The following SOX5 variants were observed in gnomAD, a reference collection of about 807,000 sequenced individuals.
The protein encoded by SOX5 is SRY-box transcription factor 5.
In SOX5, 9 loss-of-function variants were observed where a neutral mutation model predicts 92.0. The observed-to-expected ratio is 0.10, with a 90% CI of 0.06 to 0.17. The LOEUF (loss-of-function observed/expected upper bound fraction) is 0.17, where lower values mean the gene tolerates loss of function less well. SOX5 is among the 10% of genes least tolerant of loss of function. The probability of loss-of-function intolerance (pLI) is 1.00; values close to 1 mark genes in which losing one functional copy is unlikely to be tolerated. For synonymous variants in SOX5, 344 were observed against 336.3 expected (o/e 1.02, Z -0.25); for missense variants, 642 against 944.5 (o/e 0.68, Z 4.20).
At chr12:23,817,638 A>G (rs1325125345) in intron 3 of SOX5, among the ~76,000 whole-genome samples, 1 of 152,218 alleles carries the variant, frequency 6.6e-6, no homozygotes, top group Non-Finnish European at 1.5e-5. Context: ...TAACCATATG[A>G]CCTAAAAAGT....
chr12:24,450,066 T>A (rs981044200), intron 1 of SOX5, among the ~76,000 whole-genome samples: 1 of 152,214 alleles, frequency 6.6e-6, no homozygotes, highest in Non-Finnish European at 1.5e-5. Context: ...ACAACACTAA[T>A]CTCAATGAGG....
chr12:24,248,441 C>A (rs1012649006), intron 3 of SOX5, among the ~76,000 whole-genome samples: 12 of 152,128 alleles, frequency 7.9e-5, no homozygotes, highest in African/African-American at 1.2e-4. Context: ...AGCTCTATTG[C>A]CCAAGGCTAA....
In SOX5 at chr12:23,773,181, T is replaced by C. The variant is rs1189218474; in HGVS notation, c.482-17457A>G. ...GTTTTAAGCATGACTATTTTTGTTA[T>C]TTTATATATATAGATATGAGTATAT... On this transcript the variant is annotated intron_variant, in intron 3 of 14. Coordinates refer to ENST00000451604, the MANE Select transcript of SOX5 (RefSeq NM_006940.6). Among the ~76,000 whole-genome samples, 7 of 152,290 alleles carry C rather than the reference T, an allele frequency of 4.6e-5. No homozygotes were observed. The East Asian group carries it at 1.2e-3, about 25-fold the overall frequency.
chr12:24,001,547 T>C (rs1271899082), intron 4 of SOX5, among the ~76,000 whole-genome samples: 1 of 152,124 alleles, frequency 6.6e-6, no homozygotes, highest in Non-Finnish European at 1.5e-5. Context: ...CAGTGTGAGC[T>C]AGGCTGGGTG....
At chr12:24,487,978 T>C (rs1364267458) in intron 1 of SOX5, among the ~76,000 whole-genome samples, 1 of 152,178 alleles carries the variant, frequency 6.6e-6, no homozygotes, top group Non-Finnish European at 1.5e-5. Flanking sequence ...CGTAGCAGGA[T>C]TGGGGAACAC....
chr12:24,066,430 A>G (rs1940758582), intron 4 of SOX5, among the ~76,000 whole-genome samples: 1 of 152,208 alleles, frequency 6.6e-6, no homozygotes, highest in Non-Finnish European at 1.5e-5. Flanking sequence ...ATAGCTGTAC[A>G]TGATAGGTGC....
chr12:23,652,448 C>G lies in SOX5; in HGVS notation c.932-11551G>C, dbSNP rs184560819. Among the ~76,000 whole-genome samples, 3 of 151,520 alleles carry G rather than the reference C, an allele frequency of 2.0e-5. No homozygotes were observed. In the East Asian group the frequency reaches 5.8e-4, roughly 29 times the overall value. On this transcript the variant is annotated intron_variant, in intron 7 of 14. Transcript: ENST00000451604. Reference sequence around the variant, plus strand: ...TTATCTGAATGATCTTATCCAATCTCATGGTTCAGCAACCATATACAAACT... The same window carrying G: ...TTATCTGAATGATCTTATCCAATCTGATGGTTCAGCAACCATATACAAACT...
chr12:23,664,472 TG>T (rs1444340315), intron 7 of SOX5, among the ~76,000 whole-genome samples: 4 of 152,180 alleles, frequency 2.6e-5, no homozygotes, highest in Non-Finnish European at 5.9e-5. Flanking sequence ...ATTTTCCTTC[TG>T]GCCATGGTAA....
At chr12:23,665,015 G>A (rs2083583280) in intron 7 of SOX5, among the ~76,000 whole-genome samples, 1 of 152,086 alleles carries the variant, frequency 6.6e-6, no homozygotes, top group Non-Finnish European at 1.5e-5. Context: ...GAATGGTTCG[G>A]TCTAAGAACT....
chr12:24,282,171 A>G (rs1945286240), intron 2 of SOX5, among the ~76,000 whole-genome samples: 1 of 152,160 alleles, frequency 6.6e-6, no homozygotes, highest in Non-Finnish European at 1.5e-5. Flanking sequence ...TAAATGCGAT[A>G]TCTTTAGGAA....
At chr12:23,841,762 A>G (rs376885576) in intron 3 of SOX5, among the ~76,000 whole-genome samples, 14 of 152,226 alleles carry the variant, frequency 9.2e-5, no homozygotes, top group East Asian at 5.8e-4. Flanking sequence ...TGGTAATAAG[A>G]TCAGTGATTA....
chr12:24,144,848 C>T lies in SOX5; in HGVS notation c.-2+68495G>A, dbSNP rs542997341. Reference sequence around the variant, plus strand: ...TGTCTCAAAAAAAAGAAAAAAATAGCACAAAGGCTACAAGGGGAAAAATGG... The same window carrying T: ...TGTCTCAAAAAAAAGAAAAAAATAGTACAAAGGCTACAAGGGGAAAAATGG... On this transcript the variant is annotated intron_variant, in intron 4 of 4. Coordinates refer to the SOX5 transcript ENST00000446891. 2.6e-5 allele frequency among the ~76,000 whole-genome samples: 4 copies of T among 151,580 alleles called. No individual in the cohort carries two copies. In the East Asian group the frequency reaches 7.8e-4, roughly 30 times the overall value.
upstream of SOX5, among the ~76,000 whole-genome samples, chr12:23,954,581 T>A (rs1364406541): frequency 1.3e-5 from 2 of 152,054 alleles, no homozygotes; most frequent in Non-Finnish European, 2.9e-5. Context: ...TAGACTAGTG[T>A]CTTGTAATAG....
intron 6 of SOX5, among the ~76,000 whole-genome samples, chr12:23,702,113 C>T (rs143300061): frequency 1.4e-4 from 22 of 152,062 alleles, no homozygotes; most frequent in Middle Eastern, 6.8e-3. Context: ...ATCTCTTATA[C>T]GCTGTTTTAA....
intron 1 of SOX5, among the ~76,000 whole-genome samples, chr12:24,556,389 C>A (rs531498210): frequency 3.9e-5 from 6 of 152,178 alleles, no homozygotes; most frequent in Non-Finnish European, 8.8e-5. Flanking sequence ...TCAAATCAGG[C>A]AATGGTATGT....
chr12:23,616,941 G>A (rs910392186), intron 8 of SOX5, among the ~76,000 whole-genome samples: 2 of 151,892 alleles, frequency 1.3e-5, no homozygotes, highest in South Asian at 2.1e-4. Context: ...GCAACATAGC[G>A]AAACCCCATT....
intron 1 of SOX5, among the ~76,000 whole-genome samples, chr12:24,539,082 C>T (rs1951893029): frequency 6.6e-6 from 1 of 151,650 alleles, no homozygotes; most frequent in Non-Finnish European, 1.5e-5. Flanking sequence ...GATTTAGTCC[C>T]CCAAAACTCA....
chr12:23,569,080 A>C (rs1483588424), intron 10 of SOX5, among the ~76,000 whole-genome samples: 1 of 152,152 alleles, frequency 6.6e-6, no homozygotes, highest in Non-Finnish European at 1.5e-5. Context: ...AGTCCCAGCT[A>C]CTTGGGGGGC....
At chr12:23,555,628 G>C (rs371478493) in intron 11 of SOX5, among the ~76,000 whole-genome samples, 1 of 152,234 alleles carries the variant, frequency 6.6e-6, no homozygotes, top group East Asian at 1.9e-4. Flanking sequence ...GAAAGAAAAA[G>C]TCTTCCACTG....
Sources: allele counts gnomAD v4.1 joint callset (sites outside exome capture counted in the v4.1 genomes callset), GRCh38; gene constraint gnomAD v4.1.1; transcripts MANE v1.5; gene names NCBI Gene and HGNC (gene_info 2026-07-23, HGNC 2026-07-21).